Variants in HEMK2 observed in about 807,000 individuals in gnomAD.
HEMK2 encodes methyltransferase HEMK2.
chr21:28,755,725 T>C, the HEMK2 span, among the ~76,000 whole-genome samples: 1 of 152,184 alleles, frequency 6.6e-6, no homozygotes, highest in East Asian at 1.9e-4. Context: ...GTGCTCACTG[T>C]CTACACAGGT....
the HEMK2 span, among the ~76,000 whole-genome samples, chr21:28,827,090 G>A: frequency 2.0e-5 from 3 of 152,162 alleles, no homozygotes; most frequent in South Asian, 6.2e-4. Flanking sequence ...TCATTCAACA[G>A]ATAGTTATGA....
At chr21:28,673,487 T>A in the HEMK2 span, among the ~76,000 whole-genome samples, 1 of 144,334 alleles carries the variant, frequency 6.9e-6, no homozygotes, top group Non-Finnish European at 1.5e-5. Context: ...AGCTCACATA[T>A]AACCCACATA....
the HEMK2 span, among the ~76,000 whole-genome samples, chr21:28,726,398 A>T: frequency 6.6e-6 from 1 of 152,174 alleles, no homozygotes; most frequent in Admixed American, 6.5e-5. Flanking sequence ...CTAATTAGTT[A>T]ATCTCTCCAT....
chr21:28,806,349 G>T, the HEMK2 span, among the ~76,000 whole-genome samples: 1 of 152,186 alleles, frequency 6.6e-6, no homozygotes, highest in Non-Finnish European at 1.5e-5. Context: ...TATGTAACAT[G>T]ACTGTAACTT....
chr21:28,747,490 G>A, the HEMK2 span, among the ~76,000 whole-genome samples: 1 of 152,214 alleles, frequency 6.6e-6, no homozygotes, highest in Non-Finnish European at 1.5e-5. Context: ...GGGATCCTGT[G>A]CAGAGGAAAA....
the HEMK2 span, among the ~76,000 whole-genome samples, chr21:28,881,577 T>C: frequency 6.6e-6 from 1 of 151,616 alleles, no homozygotes; most frequent in East Asian, 1.9e-4. Context: ...GAAAAAGATG[T>C]CTATAGCATT....
the HEMK2 span, among the ~76,000 whole-genome samples, chr21:28,724,632 A>C: frequency 3.9e-5 from 6 of 152,248 alleles, no homozygotes; most frequent in African/African-American, 1.4e-4. Flanking sequence ...AGCGCCAGCA[A>C]ATTTCATAAG....
the HEMK2 span, among the ~76,000 whole-genome samples, chr21:28,657,708 C>T: frequency 5.3e-5 from 8 of 152,130 alleles, no homozygotes; most frequent in African/African-American, 1.7e-4. Flanking sequence ...TTCAACTCAT[C>T]CATACTTATG....
the HEMK2 span, among the ~76,000 whole-genome samples, chr21:28,599,996 C>A: frequency 6.6e-6 from 1 of 152,212 alleles, no homozygotes; most frequent in Non-Finnish European, 1.5e-5. Context: ...ACCACTGTGG[C>A]TTTGCAGTGT....
At chr21:28,744,457 T>C in the HEMK2 span, among the ~76,000 whole-genome samples, 2 of 152,172 alleles carry the variant, frequency 1.3e-5, no homozygotes, top group Non-Finnish European at 2.9e-5. Flanking sequence ...CTGCAGTGTC[T>C]GTGGAAGGGT....
At chr21:28,594,572 A>T in the HEMK2 span, among the ~76,000 whole-genome samples, 1 of 152,214 alleles carries the variant, frequency 6.6e-6, no homozygotes, top group Non-Finnish European at 1.5e-5. Context: ...CCTTTTTTAT[A>T]TATGAAATTC....
At chr21:28,831,471 G>GAAAAGA in the HEMK2 span, among the ~76,000 whole-genome samples, 355 of 28,836 alleles carry the variant, frequency 0.012, 11 homozygotes, top group Middle Eastern at 0.029. Context: ...ACGAAAGAAA[G>GAAAAGA]AAAGAAAGAA....
chr21:28,846,023 C>T, the HEMK2 span, among the ~76,000 whole-genome samples: 1 of 152,178 alleles, frequency 6.6e-6, no homozygotes, highest in African/African-American at 2.4e-5. Context: ...GTTTAGCTCC[C>T]ACTTATAAGT....
At chr21:28,679,011 A>G in the HEMK2 span, among the ~76,000 whole-genome samples, 1 of 152,356 alleles carries the variant, frequency 6.6e-6, no homozygotes, top group South Asian at 2.1e-4. Flanking sequence ...ACCAGCTAAC[A>G]TCATAATGGC....
the HEMK2 span, among the ~76,000 whole-genome samples, chr21:28,649,001 G>A: frequency 6.8e-6 from 1 of 147,400 alleles, no homozygotes; most frequent in Non-Finnish European, 1.5e-5. Context: ...TGTTCTCATG[G>A]TTCAATTTCC....
the HEMK2 span, among the ~76,000 whole-genome samples, chr21:28,831,718 GGAAGGAAGGAAGGAAGGAAA>G: frequency 1.8e-4 from 13 of 70,316 alleles, no homozygotes; most frequent in African/African-American, 7.0e-4. Flanking sequence ...AAGGAAGGAA[GGAAGGAAGGAAGGAAGGAAA>G]GAAAGAAAGA....
chr21:28,621,502 C>G, the HEMK2 span, among the ~76,000 whole-genome samples: 1 of 152,182 alleles, frequency 6.6e-6, no homozygotes, highest in Admixed American at 6.5e-5. Context: ...GACCACCAAA[C>G]AGGCTTTGTG....
the HEMK2 span, among the ~76,000 whole-genome samples, chr21:28,736,187 C>T: frequency 9.2e-5 from 14 of 152,218 alleles, no homozygotes; most frequent in Admixed American, 9.2e-4. Flanking sequence ...ATAGCTCTTG[C>T]TGCAACAAGG....
the HEMK2 span, among the ~76,000 whole-genome samples, chr21:28,836,047 G>C: frequency 6.6e-6 from 1 of 152,154 alleles, no homozygotes; most frequent in African/African-American, 2.4e-5. Flanking sequence ...AATTCTAAAA[G>C]CTTGGGAAAC....
Sources: allele counts gnomAD v4.1 joint callset (sites outside exome capture counted in the v4.1 genomes callset), GRCh38; gene constraint gnomAD v4.1.1; transcripts MANE v1.5; gene names NCBI Gene and HGNC (gene_info 2026-07-23, HGNC 2026-07-21).